Variants in OCA2 observed in about 807,000 individuals in gnomAD.
OCA2 encodes OCA2 melanosomal transmembrane protein.
OCA2 carries 77 observed loss-of-function variants against 100.2 expected under a neutral mutation model. The ratio of observed to expected loss-of-function variants is 0.77; its 90% CI spans 0.64 to 0.93. OCA2 has a LOEUF of 0.93. Among genes scored for constraint, OCA2 ranks in the 40% least tolerant of loss-of-function variants. OCA2 has a pLI of 0.00. For synonymous variants in OCA2, 432 were observed against 439.2 expected (o/e 0.98, Z 0.21); for missense variants, 1,062 against 1,089.1 (o/e 0.98, Z 0.35).
intron 21 of OCA2, among the ~76,000 whole-genome samples, chr15:27,863,682 AT>A (rs745694469): frequency 2.1e-4 from 32 of 151,754 alleles, no homozygotes; most frequent in Non-Finnish European, 4.4e-4. Context: ...TCGCCTCCAA[AT>A]CTCTCACCCT....
chr15:28,080,155 T>G (rs1207956549), intron 2 of OCA2, among the ~76,000 whole-genome samples: 1 of 152,264 alleles, frequency 6.6e-6, no homozygotes, highest in African/African-American at 2.4e-5. Context: ...TCCGGCCATA[T>G]TAGACACTTC....
chr15:27,805,870 C>CA (rs1229929468), intron 23 of OCA2, among the ~76,000 whole-genome samples: 29 of 152,198 alleles, frequency 1.9e-4, no homozygotes, highest in Non-Finnish European at 8.8e-5. Context: ...GCGTGGGATT[C>CA]AAAGGCCACA....
intron 1 of OCA2, among the ~76,000 whole-genome samples, chr15:28,083,355 T>A (rs1595930883): frequency 6.6e-6 from 1 of 152,312 alleles, no homozygotes; most frequent in East Asian, 1.9e-4. Flanking sequence ...AGGAAGTCCA[T>A]ATATCCTTCT....
rs1458413872 is a variant in OCA2, at chr15:28,014,987, T to G, written c.891-58A>C. 6 of 1,552,710 alleles carry G rather than the reference T, an allele frequency of 3.9e-6. No individual in the cohort carries two copies. In the East Asian group the frequency reaches 1.3e-4, roughly 35 times the overall value. ...AAGGTCAACAGTTAGGGGACCTCCC[T>G]CTGTATCAGCCATGGCATTAACCAG... On this transcript the variant is annotated intron_variant, in intron 8 of 23. Coordinates refer to ENST00000354638, the MANE Select transcript of OCA2 (RefSeq NM_000275.3).
At chr15:27,787,182 C>G (rs904023278) in intron 23 of OCA2, among the ~76,000 whole-genome samples, 1 of 152,078 alleles carries the variant, frequency 6.6e-6, no homozygotes, top group African/African-American at 2.4e-5. Context: ...CTGGACTTGA[C>G]TTGCTAATAT....
intron 9 of OCA2, among the ~76,000 whole-genome samples, chr15:27,994,769 T>C (rs990283611): frequency 6.6e-6 from 1 of 151,890 alleles, no homozygotes; most frequent in Non-Finnish European, 1.5e-5. Context: ...AAGGAAAGAG[T>C]TTGGGGGCAG....
chr15:27,827,503 A>T (rs1380158714), intron 23 of OCA2, among the ~76,000 whole-genome samples: 1 of 152,164 alleles, frequency 6.6e-6, no homozygotes, highest in East Asian at 1.9e-4. Flanking sequence ...TGTGCAAGTC[A>T]TCATACTATT....
chr15:27,877,364 A>C (rs2036833244), intron 19 of OCA2, among the ~76,000 whole-genome samples: 1 of 152,054 alleles, frequency 6.6e-6, no homozygotes, highest in Admixed American at 6.6e-5. Context: ...TGTTATTCAT[A>C]GCTTCTATGG....
chr15:28,015,342 G>A (rs2042357213), intron 8 of OCA2, among the ~76,000 whole-genome samples: 2 of 151,966 alleles, frequency 1.3e-5, no homozygotes, highest in Non-Finnish European at 2.9e-5. Context: ...AGTGACCACA[G>A]GTCTGTGGCG....
At chr15:27,910,457 C>T (rs1300788769) in intron 19 of OCA2, among the ~76,000 whole-genome samples, 1 of 152,012 alleles carries the variant, frequency 6.6e-6, no homozygotes, top group African/African-American at 2.4e-5. Flanking sequence ...GTTGAATAAA[C>T]GATGGCACAT....
intron 14 of OCA2, among the ~76,000 whole-genome samples, chr15:27,968,197 C>T (rs2040643268): frequency 6.6e-6 from 1 of 152,268 alleles, no homozygotes; most frequent in Non-Finnish European, 1.5e-5. Flanking sequence ...TCTGTGCAGG[C>T]ACCTCCTGAG....
chr15:28,069,373 T>TCCCTCC (rs2044129063), intron 2 of OCA2, among the ~76,000 whole-genome samples: 1 of 8,396 alleles, frequency 1.2e-4, no homozygotes, highest in Non-Finnish European at 1.8e-4. Context: ...CCTCTCCCTC[T>TCCCTCC]CCCTCTCCCT....
In OCA2 at chr15:28,027,959, C is replaced by T; in HGVS notation, c.427G>A (p.Glu143Lys). The T allele has an allele frequency of 6.2e-7, 1 of 1,614,196 alleles. No individual in the cohort carries two copies. The highest frequency in any genetic ancestry group is 8.5e-7 in the Non-Finnish European group (1 of 1,180,050). The change falls in exon 4 of 24, where the codon GAG (glutamate) becomes AAG (lysine). Residue 143 changes from glutamate to lysine, a missense_variant. By Grantham distance (56) the Glu-to-Lys change is moderately conservative (BLOSUM62 1). Coordinates refer to ENST00000354638, the MANE Select transcript of OCA2 (RefSeq NM_000275.3). ...DWERRYLLSR[E>K]VSGLSASASS... ...GCAGATGCAGACAGACCAGACACCT[C>T]CCTGCTTAGCAGGTATCTTCGCTCC...
intron 14 of OCA2, among the ~76,000 whole-genome samples, chr15:27,967,162 G>C (rs950440600): frequency 6.6e-5 from 10 of 152,036 alleles, no homozygotes; most frequent in African/African-American, 2.4e-4. Flanking sequence ...CGGAAGACGG[G>C]CCTTTCCTCC....
chr15:28,015,400 G>A (rs765081371), intron 8 of OCA2, among the ~76,000 whole-genome samples: 8 of 152,198 alleles, frequency 5.3e-5, no homozygotes, highest in Non-Finnish European at 8.8e-5. Flanking sequence ...TTTATGGGCC[G>A]AATTATGTCC....
intron 9 of OCA2, among the ~76,000 whole-genome samples, chr15:28,010,291 G>A (rs1278329730): frequency 6.6e-6 from 1 of 152,122 alleles, no homozygotes; most frequent in African/African-American, 2.4e-5. Context: ...ATACTTCATG[G>A]TGAAAGACTG....
chr15:28,083,223 A>G (rs926130964), intron 1 of OCA2, among the ~76,000 whole-genome samples: 4 of 152,218 alleles, frequency 2.6e-5, no homozygotes, highest in Non-Finnish European at 5.9e-5. Context: ...CAAGTACAAG[A>G]CGTGTGATGG....
chr15:27,746,466 AT>A, the OCA2 span, among the ~76,000 whole-genome samples: 9 of 8,782 alleles, frequency 1.0e-3, no homozygotes, highest in African/African-American at 6.4e-3. Context: ...GTATTAAAAA[AT>A]AAATAAATAA....
chr15:27,823,174 C>T (rs1190473642), intron 23 of OCA2, among the ~76,000 whole-genome samples: 2 of 152,230 alleles, frequency 1.3e-5, no homozygotes, highest in African/African-American at 4.8e-5. Flanking sequence ...ACGTTTGAGC[C>T]TGTTTCTGGG....
Sources: allele counts gnomAD v4.1 joint callset (sites outside exome capture counted in the v4.1 genomes callset), GRCh38; gene constraint gnomAD v4.1.1; transcripts MANE v1.5; gene names NCBI Gene and HGNC (gene_info 2026-07-23, HGNC 2026-07-21).